FRAS1: variants seen among roughly 807,000 people sequenced by gnomAD.
The protein encoded by FRAS1 is extracellular matrix organizing protein FRAS1.
A neutral mutation model predicts 435.2 loss-of-function variants in FRAS1; 290 were observed. The ratio of observed to expected loss-of-function variants is 0.67; its 90% CI spans 0.61 to 0.73. The LOEUF is 0.73. Among genes scored for constraint, FRAS1 ranks in the 30% least tolerant of loss-of-function variants. FRAS1 has a pLI of 0.00. For synonymous variants in FRAS1, 1,800 were observed against 1,851.0 expected (o/e 0.97, Z 0.71); for missense variants, 4,860 against 5,001.5 (o/e 0.97, Z 0.85).
At chr4:78,253,962 A>G (rs556277774) in intron 5 of FRAS1, among the ~76,000 whole-genome samples, 2 of 149,526 alleles carry the variant, frequency 1.3e-5, no homozygotes, top group African/African-American at 4.9e-5. Context: ...AGACACACAC[A>G]ACAGGAAGCA....
chr4:78,464,270 G>A, intron 48 of FRAS1, 125 bp downstream of exon 48: 1 of 1,396,532 alleles, frequency 7.2e-7, no homozygotes, highest in South Asian at 1.4e-5. Context: ...TCAAGGGGTA[G>A]GGGCAGCCTC....
rs374243151 is a variant in FRAS1, at chr4:78,284,396, T to G, written c.1256-9T>G. On this transcript the variant is annotated splice_polypyrimidine_tract_variant and intron_variant, in intron 12 of 73. Coordinates refer to ENST00000512123, the MANE Select transcript of FRAS1 (RefSeq NM_025074.7). ...ACAGAGTTCTCCCCTTCTTTGTCCT[T>G]GATTTCAGTTCATTGCCATCCAGAT... 27 of 1,613,736 alleles carry G rather than the reference T, an allele frequency of 1.7e-5. No individual in the cohort carries two copies. In the Middle Eastern group the frequency reaches 1.3e-3, roughly 79 times the overall value.
At chr4:78,509,055 G>T in intron 63 of FRAS1, 49 bp downstream of exon 63, 3 of 1,587,290 alleles carry the variant, frequency 1.9e-6, no homozygotes, top group Non-Finnish European at 2.6e-6. Context: ...GAGAGAACTG[G>T]TGTTGTTCTT....
intron 12 of FRAS1, among the ~76,000 whole-genome samples, chr4:78,284,063 A>G (rs1165510890): frequency 6.6e-6 from 1 of 152,126 alleles, no homozygotes; most frequent in Non-Finnish European, 1.5e-5. Flanking sequence ...GGTATCATAA[A>G]TTATTGAATC....
At position 78,124,762 on chromosome 4, in the gene FRAS1, AGAG is replaced by A. The variant is rs1719243361; in HGVS notation, c.108+58748_108+58750del. On this transcript the variant is annotated intron_variant, in intron 2 of 73. Transcript: ENST00000512123. ...TCTAGATTTTCTAGCTTATTTGCAT[AGAG>A]GTGTTTATAGTATTCTCTGATGGTA... Among the ~76,000 whole-genome samples, 3 of 152,278 alleles carry A rather than the reference AGAG, an allele frequency of 2.0e-5. No individual in the cohort carries two copies. In the South Asian group the frequency reaches 6.2e-4, roughly 32 times the overall value.
chr4:78,262,744 A>G (rs1254961898), intron 6 of FRAS1, among the ~76,000 whole-genome samples: 1 of 152,214 alleles, frequency 6.6e-6, no homozygotes, highest in Admixed American at 6.5e-5. Context: ...AGCCGAATAC[A>G]TCTTTAGTGA....
chr4:78,462,152 C>T (rs896189547), intron 47 of FRAS1, among the ~76,000 whole-genome samples: 2 of 152,160 alleles, frequency 1.3e-5, no homozygotes, highest in African/African-American at 4.8e-5. Context: ...GGCGGATCAC[C>T]TGAGGTCAGG....
chr4:78,186,804 CT>C (rs1254162790), intron 2 of FRAS1, among the ~76,000 whole-genome samples: 1 of 152,162 alleles, frequency 6.6e-6, no homozygotes, highest in Non-Finnish European at 1.5e-5. Flanking sequence ...CATGCTATTG[CT>C]TTTCAGTGTT....
In FRAS1 at chr4:78,479,682, C is replaced by G. The variant is rs1336532453; in HGVS notation, c.8407C>G (p.Leu2803Val). 6.2e-7 allele frequency: 1 copy of G among 1,602,422 alleles called. No homozygotes were observed. Among genetic ancestry groups the G allele is most frequent in the East Asian group, 2.2e-5 (1 of 44,636 alleles). ...SGPNDASTVS[L>V]GNTAFTVSED... ...TCCCAACGATGCCTCGACTGTGTCC[C>G]TGGGCAACACGGCTTTCACTGTCAG... The change falls in exon 56 of 74, where the codon CTG (leucine) becomes GTG (valine). Residue 2803 changes from leucine (L) to valine (V), a missense_variant. Leu to Val is a conservative substitution (Grantham distance 32, BLOSUM62 1). Transcript: ENST00000512123.
At position 78,430,359 on chromosome 4, in the gene FRAS1, T is replaced by C. The variant is rs1560722922; in HGVS notation, c.4911T>C (p.Pro1637=). The C allele has an allele frequency of 6.2e-7, 1 of 1,613,874 alleles. No individual in the cohort carries two copies. Among genetic ancestry groups the C allele is most frequent in the Non-Finnish European group, 8.5e-7 (1 of 1,179,852 alleles). Residue 1637 remains proline (P), a synonymous_variant, in exon 37 of 74, where the codon CCT becomes CCC. Transcript: ENST00000512123. ...PKELFFELRR[P]PQHGVLLKHT... ...AACTCTTCTTTGAGCTTCGGAGACC[T>C]CCACAGCATGGTGTGCTTCTTAAGC...
Position 78,237,556 on chromosome 4 carries a change from A to G in FRAS1, c.155A>G (p.His52Arg), listed in dbSNP as rs894950407. Residue 52 changes from histidine to arginine, a missense_variant, in exon 3 of 74, where the codon CAT becomes CGT. Physicochemically the swap from His to Arg is conservative, Grantham distance 29 (BLOSUM62 0). Transcript: ENST00000512123. ...KPDSCQSCRC[H>R]GDIVICKPAV... ...GATTCATGCCAGAGCTGCCGTTGCC[A>G]TGGTGATATTGTTATCTGCAAACCT... 3 of 1,613,340 alleles carry G rather than the reference A, an allele frequency of 1.9e-6. No homozygotes were observed. The highest frequency in any genetic ancestry group is 2.2e-5 in the East Asian group (1 of 44,868).
At chr4:78,236,710 G>C (rs1327329732) in intron 2 of FRAS1, among the ~76,000 whole-genome samples, 1 of 152,202 alleles carries the variant, frequency 6.6e-6, no homozygotes, top group Non-Finnish European at 1.5e-5. Flanking sequence ...CTGAAATGTG[G>C]ATTCAGCATG....
At chr4:78,504,131 T>C (rs984884711) in intron 61 of FRAS1, among the ~76,000 whole-genome samples, 1 of 152,216 alleles carries the variant, frequency 6.6e-6, no homozygotes. Flanking sequence ...GTACTTTACT[T>C]CCAATTATGT....
intron 2 of FRAS1, among the ~76,000 whole-genome samples, chr4:78,184,728 C>T (rs1722197378): frequency 6.6e-6 from 1 of 152,120 alleles, no homozygotes; most frequent in South Asian, 2.1e-4. Context: ...TGTTTGGAGC[C>T]TCATTGACAA....
chr4:78,468,891 A>G (rs4975126), intron 50 of FRAS1, among the ~76,000 whole-genome samples: 146,352 of 152,220 alleles, frequency 0.96, 70,556 homozygotes, highest in East Asian at 1. Flanking sequence ...CTACTTTGAC[A>G]CTGAAGGATT....
Position 78,499,886 on chromosome 4 carries a change from A to G in FRAS1, c.9281A>G (p.Tyr3094Cys). The G allele has an allele frequency of 6.3e-7, 1 of 1,588,056 alleles. No homozygotes were observed. The highest frequency in any genetic ancestry group is 8.6e-7 in the Non-Finnish European group (1 of 1,162,234). Reference sequence around the variant, plus strand: ...GGCTCTGCCCAGTCTGGTGTGGATTATTACCCAAAGAGCCGAGTCTTGAAG... The same window carrying G: ...GGCTCTGCCCAGTCTGGTGTGGATTGTTACCCAAAGAGCCGAGTCTTGAAG... ...RDGSAQSGVD[Y>C]YPKSRVLKFS... is the part of the protein sequence containing the mutation. The change falls in exon 61 of 74, where the codon TAT becomes TGT. Residue 3094 changes from tyrosine to cysteine, a missense_variant. By Grantham distance (194) the Tyr-to-Cys change is radical (BLOSUM62 -2). Transcript: ENST00000512123.
chr4:78,537,628 A>G (rs1365527733), intron 72 of FRAS1, among the ~76,000 whole-genome samples: 2 of 152,228 alleles, frequency 1.3e-5, no homozygotes, highest in East Asian at 3.9e-4. Flanking sequence ...AAAAATAACC[A>G]CTCACCAAGT....
intron 16 of FRAS1, 118 bp downstream of exon 16, chr4:78,315,852 A>C: frequency 1.8e-6 from 2 of 1,107,458 alleles, no homozygotes; most frequent in Middle Eastern, 2.0e-4. Context: ...GCATAACTTT[A>C]AAAGATAGCT....
At chr4:78,312,059 C>A (rs1207050700) in intron 15 of FRAS1, among the ~76,000 whole-genome samples, 1 of 151,248 alleles carries the variant, frequency 6.6e-6, no homozygotes, top group East Asian at 1.9e-4. Context: ...TTATTTTTTG[C>A]TTTAAGGTTT....
Sources: allele counts gnomAD v4.1 joint callset (sites outside exome capture counted in the v4.1 genomes callset), GRCh38; gene constraint gnomAD v4.1.1; transcripts MANE v1.5; gene names NCBI Gene and HGNC (gene_info 2026-07-23, HGNC 2026-07-21).